Variants in AUTS2 observed in about 807,000 individuals in gnomAD.
AUTS2 encodes autism susceptibility gene 2 protein.
A neutral mutation model predicts 112.4 loss-of-function variants in AUTS2; 17 were observed. That is an observed-to-expected ratio of 0.15 (90% confidence interval 0.10 to 0.23). The LOEUF (loss-of-function observed/expected upper bound fraction) is 0.23. Ranked by LOEUF, AUTS2 falls within the 10% of genes least tolerant of loss-of-function variation. The probability of loss-of-function intolerance (pLI) is 1.00; values close to 1 mark genes in which losing one functional copy is unlikely to be tolerated. For missense variants in AUTS2, 1,510 were observed against 1,701.6 expected, an observed-to-expected ratio of 0.89 and a Z score of 1.98; for synonymous variants, 751 against 702.7, an observed-to-expected ratio of 1.07 and a Z score of -1.09.
At chr7:70,609,555 A>G (rs983551700) in intron 5 of AUTS2, among the ~76,000 whole-genome samples, 3 of 150,530 alleles carry the variant, frequency 2.0e-5, no homozygotes, top group African/African-American at 7.4e-5. Flanking sequence ...CCACCACGCC[A>G]AGCTAATTTT....
At chr7:70,037,515 A>G (rs1259218797) in intron 2 of AUTS2, among the ~76,000 whole-genome samples, 1 of 152,208 alleles carries the variant, frequency 6.6e-6, no homozygotes, top group Non-Finnish European at 1.5e-5. Flanking sequence ...TTAAATATCC[A>G]CAATAAAATG....
rs143628260 is a variant in AUTS2, at chr7:70,637,060, T to C, written c.691-61509T>C. ...TATGTGTTATGTCAGGTAGGTTGTC[T>C]TTTTATCCCCAATTTTACACAAGAT... On this transcript the variant is annotated intron_variant, in intron 5 of 18. Transcript: ENST00000342771. Among the ~76,000 whole-genome samples, 11 of 152,322 alleles carry C rather than the reference T, an allele frequency of 7.2e-5. 1 individual carries two copies. In the East Asian group the frequency reaches 2.1e-3, roughly 29 times the overall value.
chr7:70,508,889 C>A (rs907085432), intron 5 of AUTS2, among the ~76,000 whole-genome samples: 2 of 152,164 alleles, frequency 1.3e-5, no homozygotes, highest in Admixed American at 6.5e-5. Context: ...GCAAGGAAGA[C>A]CCTGAGTTTG....
chr7:70,064,871 C>G (rs557867048), intron 2 of AUTS2, among the ~76,000 whole-genome samples: 2 of 152,194 alleles, frequency 1.3e-5, no homozygotes, highest in Non-Finnish European at 2.9e-5. Flanking sequence ...ATGTTCCTAT[C>G]TTTCCCGGTA....
chr7:70,087,743 G>A (rs982471820), intron 2 of AUTS2, among the ~76,000 whole-genome samples: 3 of 152,146 alleles, frequency 2.0e-5, no homozygotes, highest in Non-Finnish European at 4.4e-5. Flanking sequence ...ATATTGGGAA[G>A]TATTCCCTTC....
chr7:69,740,979 C>T (rs913204052), intron 1 of AUTS2, among the ~76,000 whole-genome samples: 6 of 152,154 alleles, frequency 3.9e-5, no homozygotes, highest in African/African-American at 1.4e-4. Flanking sequence ...AAAAAAAGTT[C>T]TGCTTCTAGT....
At chr7:70,595,076 G>C (rs1259264441) in intron 5 of AUTS2, among the ~76,000 whole-genome samples, 1 of 150,378 alleles carries the variant, frequency 6.6e-6, no homozygotes, top group Non-Finnish European at 1.5e-5. Context: ...ACTCCAGCCT[G>C]AACAAGAGTG....
intron 2 of AUTS2, among the ~76,000 whole-genome samples, chr7:70,029,993 A>G (rs191805919): frequency 1.9e-4 from 29 of 152,340 alleles, no homozygotes; most frequent in African/African-American, 6.3e-4. Flanking sequence ...ATCCAAAGAT[A>G]CACACCTGCA....
At chr7:69,995,724 T>C (rs952180165) in intron 2 of AUTS2, among the ~76,000 whole-genome samples, 1 of 152,186 alleles carries the variant, frequency 6.6e-6, no homozygotes, top group Non-Finnish European at 1.5e-5. Context: ...CTGGTTGTTA[T>C]CCACTTTTCA....
At chr7:69,937,965 C>G (rs536783979) in intron 2 of AUTS2, among the ~76,000 whole-genome samples, 1 of 152,162 alleles carries the variant, frequency 6.6e-6, no homozygotes, top group Non-Finnish European at 1.5e-5. Context: ...TAGGAGACAG[C>G]ATGATGAGAG....
intron 4 of AUTS2, among the ~76,000 whole-genome samples, chr7:70,193,838 T>A (rs551564223): frequency 5.1e-4 from 77 of 152,336 alleles, no homozygotes; most frequent in African/African-American, 1.7e-3. Flanking sequence ...GTTATTTAAA[T>A]CTCAGACCTA....
chr7:70,197,284 CA>C (rs1810228182), intron 4 of AUTS2, among the ~76,000 whole-genome samples: 2 of 152,104 alleles, frequency 1.3e-5, no homozygotes, highest in East Asian at 1.9e-4. Flanking sequence ...CACACACACA[CA>C]CCCATTTTGT....
chr7:70,596,511 C>T (rs1234079504), intron 5 of AUTS2: 2 of 152,424 alleles, frequency 1.3e-5, no homozygotes, highest in South Asian at 2.1e-4. Flanking sequence ...GATGCCGAAC[C>T]TGCCCCCTGA....
intron 1 of AUTS2, among the ~76,000 whole-genome samples, chr7:69,807,538 G>C (rs1790360788): frequency 1.3e-5 from 2 of 152,108 alleles, no homozygotes; most frequent in South Asian, 4.1e-4. Flanking sequence ...CTCTTCCTTA[G>C]AGACCTGTTC....
At chr7:70,093,708 G>A (rs1175170478) in intron 2 of AUTS2, among the ~76,000 whole-genome samples, 1 of 152,216 alleles carries the variant, frequency 6.6e-6, no homozygotes. Context: ...CTTAAGGCCA[G>A]GAGATTCTGT....
chr7:70,080,447 T>C (rs1395718415), intron 2 of AUTS2, among the ~76,000 whole-genome samples: 1 of 152,216 alleles, frequency 6.6e-6, no homozygotes, highest in Non-Finnish European at 1.5e-5. Flanking sequence ...GCTGTAGATA[T>C]AAGAATTGCA....
chr7:70,111,083 G>A (rs1038172969), intron 2 of AUTS2, among the ~76,000 whole-genome samples: 11 of 151,254 alleles, frequency 7.3e-5, no homozygotes, highest in Non-Finnish European at 1.2e-4. Context: ...GTTTCACCGT[G>A]TTAGCCAGGA....
chr7:70,501,581 G>A (rs1038075930), intron 5 of AUTS2, among the ~76,000 whole-genome samples: 3 of 152,062 alleles, frequency 2.0e-5, no homozygotes, highest in African/African-American at 7.3e-5. Context: ...CACCATCACA[G>A]GCCTCTCTTC....
chr7:69,708,209 T>C (rs1798151336), intron 1 of AUTS2, among the ~76,000 whole-genome samples: 1 of 152,214 alleles, frequency 6.6e-6, no homozygotes, highest in Admixed American at 6.5e-5. Flanking sequence ...TTTGTTAATA[T>C]CTACAGAAAC....
Sources: allele counts gnomAD v4.1 joint callset (sites outside exome capture counted in the v4.1 genomes callset), GRCh38; gene constraint gnomAD v4.1.1; transcripts MANE v1.5; gene names NCBI Gene and HGNC (gene_info 2026-07-23, HGNC 2026-07-21).